Variants in ZFC3H1 observed in about 807,000 individuals in gnomAD.
ZFC3H1 encodes zinc finger C3H1-type containing, also known as zinc finger C3H1 domain-containing protein.
A neutral mutation model predicts 243.7 loss-of-function variants in ZFC3H1; 71 were observed. The observed-to-expected ratio is 0.29, with a 90% CI of 0.24 to 0.36. The LOEUF (loss-of-function observed/expected upper bound fraction) is 0.36, where lower values mean the gene tolerates loss of function less well. ZFC3H1 is among the 10% of genes least tolerant of loss of function. ZFC3H1 has a pLI of 1.00. For missense variants in ZFC3H1, 1,966 were observed against 2,317.1 expected (o/e 0.85, Z 3.11); for synonymous variants, 838 against 813.0 (o/e 1.03, Z -0.52).
chr12:71,652,482 AATC>A (rs1346247617), intron 2 of ZFC3H1, among the ~76,000 whole-genome samples: 10 of 152,202 alleles, frequency 6.6e-5, no homozygotes, highest in African/African-American at 2.4e-4. Context: ...ATATTTGATT[AATC>A]TCAATGCCCT....
At position 71,626,140 on chromosome 12, in the gene ZFC3H1, G is replaced by A. The variant is rs889505358; in HGVS notation, c.4317+120C>T. ...TAGAAACTGAAAGTAAGGTTATTAT[G>A]TCTATATTCAGATAAAGCATATGCT... On this transcript the variant is annotated intron_variant, in intron 22 of 34. Transcript: ENST00000378743. 1.5e-4 allele frequency: 156 copies of A among 1,033,640 alleles called. No homozygotes were observed. In the East Asian group the frequency reaches 3.9e-3, roughly 26 times the overall value. The allele number at this position is 1,033,640 out of a possible 1,614,324, so 64.0% of individuals were successfully genotyped here.
chr12:71,622,032 C>T (rs1178592347), intron 24 of ZFC3H1, among the ~76,000 whole-genome samples: 5 of 152,222 alleles, frequency 3.3e-5, no homozygotes, highest in African/African-American at 2.4e-5. Flanking sequence ...TATCATTCTA[C>T]TTATCAAGCT....
intron 31 of ZFC3H1, 42 bp downstream of exon 31, chr12:71,613,293 T>A: frequency 7.0e-7 from 1 of 1,431,348 alleles, no homozygotes; most frequent in Non-Finnish European, 9.6e-7. Flanking sequence ...AAGAGCCTAT[T>A]CCATTAGGCA....
At chr12:71,655,725 T>C (rs1205284723) in intron 2 of ZFC3H1, among the ~76,000 whole-genome samples, 1 of 152,126 alleles carries the variant, frequency 6.6e-6, no homozygotes, top group Non-Finnish European at 1.5e-5. Flanking sequence ...TCTCAGAATG[T>C]TTCCAATCTT....
Position 71,627,950 on chromosome 12 carries a change from G to T in ZFC3H1, c.3947-16C>A. 6.2e-7 allele frequency: 1 copy of T among 1,604,020 alleles called. No homozygotes were observed. The highest frequency in any genetic ancestry group is 1.7e-5 in the Admixed American group (1 of 58,754). ...GGCTGGAAAGCTATTTAAAAAAAAAGTATTATTAGCTTCACATTTTCTTTA... is the reference window on the plus strand; with the variant it reads ...GGCTGGAAAGCTATTTAAAAAAAAATTATTATTAGCTTCACATTTTCTTTA... On this transcript the variant is annotated splice_polypyrimidine_tract_variant and intron_variant, in intron 20 of 34. Transcript: ENST00000378743.
At position 71,636,889 on chromosome 12, in the gene ZFC3H1, T is replaced by A; in HGVS notation, c.1896A>T (p.Leu632=). Reference sequence around the variant, plus strand: ...CTCTTTTATTTGCTAGAGATTTAAGTAGTTCTTCTCGAAGCAGCATTTCTT... The same window carrying A: ...CTCTTTTATTTGCTAGAGATTTAAGAAGTTCTTCTCGAAGCAGCATTTCTT... The part of the protein sequence containing the change: ...EEEEMLLREE[L]LKSLANKRAF... Residue 632 remains leucine (L), a synonymous_variant, in exon 8 of 35, where the codon CTA becomes CTT. Transcript: ENST00000378743. 6.8e-6 allele frequency: 11 copies of A among 1,614,020 alleles called. No homozygotes were observed. Among genetic ancestry groups the A allele is most frequent in the Non-Finnish European group, 8.5e-6 (10 of 1,179,960 alleles).
chr12:71,657,015 A>C lies in ZFC3H1; in HGVS notation c.885T>G (p.Thr295=). 6.2e-7 allele frequency: 1 copy of C among 1,613,860 alleles called. No individual in the cohort carries two copies. The highest frequency in any genetic ancestry group is 8.5e-7 in the Non-Finnish European group (1 of 1,179,930). ...VAPEEKTQVK[T]FQAFELKPLR... is the part of the protein sequence containing the mutation. Reference sequence around the variant, plus strand: ...GTGGTTTTAATTCAAATGCCTGAAAAGTTTTGACTTGTGTTTTCTCCTCAG... The same window carrying C: ...GTGGTTTTAATTCAAATGCCTGAAACGTTTTGACTTGTGTTTTCTCCTCAG... Residue 295 remains threonine, a synonymous_variant, in exon 2 of 35, where the codon ACT becomes ACG. Coordinates refer to ENST00000378743, the MANE Select transcript of ZFC3H1 (RefSeq NM_144982.5).
intron 2 of ZFC3H1, 28 bp from the exon 3 acceptor site, chr12:71,647,841 T>A: frequency 1.0e-6 from 1 of 955,038 alleles, no homozygotes; most frequent in Non-Finnish European, 1.5e-6. Context: ...ATCTTTTGAA[T>A]AATCCAAAAG....
chr12:71,658,282 A>T (rs1325316360), intron 1 of ZFC3H1, among the ~76,000 whole-genome samples: 3 of 92,804 alleles, frequency 3.2e-5, no homozygotes, highest in Admixed American at 1.3e-4. Flanking sequence ...TCATTTATAG[A>T]TTTTTTTTTT....
chr12:71,626,885 A>C (rs970634893), intron 21 of ZFC3H1, among the ~76,000 whole-genome samples: 2 of 152,216 alleles, frequency 1.3e-5, no homozygotes, highest in African/African-American at 2.4e-5. Flanking sequence ...AGGGCTTGCT[A>C]TCTCTTGGAG....
chr12:71,628,476 T>C (rs1249399537), intron 20 of ZFC3H1, among the ~76,000 whole-genome samples: 3 of 152,258 alleles, frequency 2.0e-5, no homozygotes, highest in Non-Finnish European at 4.4e-5. Context: ...ATTCATACAT[T>C]ATTTTGTTCA....
chr12:71,650,471 C>A (rs975181851), intron 2 of ZFC3H1, among the ~76,000 whole-genome samples: 4 of 151,690 alleles, frequency 2.6e-5, no homozygotes, highest in African/African-American at 9.8e-5. Context: ...CTGTTCTTGT[C>A]ACACAGTATT....
In ZFC3H1 at chr12:71,632,207, T is replaced by A; in HGVS notation, c.3125A>T (p.Glu1042Val). 3 of 1,609,080 alleles carry A rather than the reference T, an allele frequency of 1.9e-6. No individual in the cohort carries two copies. The East Asian group carries it at 6.7e-5, about 36-fold the overall frequency. ...GGATTCTAAAAAAGATCTTCTTCGCTCTCTGCTTGAACCAGACAAAATTTC... is the reference window on the plus strand; with the variant it reads ...GGATTCTAAAAAAGATCTTCTTCGCACTCTGCTTGAACCAGACAAAATTTC... ...DDEILSGSSR[E>V]RRRSFLESNY... The change falls in exon 15 of 35, where the codon GAG becomes GTG. Residue 1042 changes from glutamate to valine, a missense_variant. This residue lies in a region of ZFC3H1 where 1,383 missense variants were observed against 1,723.7 expected (regional missense o/e 0.80). Transcript: ENST00000378743.
At chr12:71,611,121 A>G in intron 32 of ZFC3H1, 24 bp from the exon 33 acceptor site, 1 of 1,469,302 alleles carries the variant, frequency 6.8e-7, no homozygotes, top group South Asian at 1.3e-5. Flanking sequence ...AAAAAAAAAG[A>G]AATATAGAAA....
chr12:71,626,223 C>CAT, intron 22 of ZFC3H1, 37 bp downstream of exon 22: 1 of 1,601,282 alleles, frequency 6.2e-7, no homozygotes, highest in Non-Finnish European at 8.5e-7. Flanking sequence ...CACACACACA[C>CAT]ACACACACAC....
At chr12:71,625,318 G>C (rs746618143) in intron 22 of ZFC3H1, among the ~76,000 whole-genome samples, 1 of 152,176 alleles carries the variant, frequency 6.6e-6, no homozygotes, top group Non-Finnish European at 1.5e-5. Flanking sequence ...TGGCTCCCAA[G>C]TTCAGGTGAT....
chr12:71,647,944 A>G, intron 2 of ZFC3H1, 131 bp from the exon 3 acceptor site: 1 of 398,066 alleles, frequency 2.5e-6, no homozygotes, highest in Non-Finnish European at 4.4e-6. Context: ...CAATCTCTCA[A>G]CCAAAAGGAA....
intron 11 of ZFC3H1, among the ~76,000 whole-genome samples, 176 bp from the exon 12 acceptor site, chr12:71,634,480 T>C (rs1292132951): frequency 6.6e-6 from 1 of 152,204 alleles, no homozygotes. Flanking sequence ...TCCTTCTCTT[T>C]GAGTGTTTTC....
intron 2 of ZFC3H1, among the ~76,000 whole-genome samples, chr12:71,648,276 G>GC (rs977693293): frequency 3.9e-5 from 6 of 152,278 alleles, no homozygotes; most frequent in Admixed American, 3.9e-4. Context: ...ACCTAGAAAA[G>GC]CATCAGTAGA....
Sources: gnomAD v4.1 joint callset for allele counts (sites outside exome capture counted in the v4.1 genomes callset) on GRCh38, gnomAD v4.1.1 for gene constraint, gnomAD v4.1.1 regional missense constraint, MANE v1.5 for transcripts, NCBI Gene and HGNC (gene_info 2026-07-23, HGNC 2026-07-21) for gene names.